The following CCDC81 variants were observed in gnomAD, a reference collection of about 807,000 sequenced individuals.
The protein encoded by CCDC81 is coiled-coil domain containing 81.
A neutral mutation model predicts 83.7 loss-of-function variants in CCDC81; 79 were observed. The observed-to-expected ratio is 0.94, with a 90% CI of 0.79 to 1.14. CCDC81 has a LOEUF of 1.14. Among genes scored for constraint, CCDC81 ranks in the 50% most tolerant of loss-of-function variants. The probability of loss-of-function intolerance (pLI) is 0.00; values close to 1 mark genes in which losing one functional copy is unlikely to be tolerated. For synonymous variants in CCDC81, 252 were observed against 278.1 expected, an observed-to-expected ratio of 0.91 and a Z score of 0.93; for missense variants, 791 against 778.1, an observed-to-expected ratio of 1.02 and a Z score of -0.20.
chr11:86,415,601 T>C (rs1948708541), intron 13 of CCDC81, among the ~76,000 whole-genome samples: 1 of 152,232 alleles, frequency 6.6e-6, no homozygotes, highest in African/African-American at 2.4e-5. Context: ...TGTACTACTT[T>C]ACATTCCCAA....
At chr11:86,375,438 C>G (rs78400532) in intron 1 of CCDC81, among the ~76,000 whole-genome samples, 196 bp downstream of exon 1, 457 of 152,206 alleles carry the variant, frequency 3.0e-3, no homozygotes, top group African/African-American at 0.01. Context: ...TTGATTAAAC[C>G]AGGGGATGCG....
At position 86,392,647 on chromosome 11, in the gene CCDC81, G is replaced by A. The variant is rs761458527; in HGVS notation, c.405G>A (p.Ser135=). ...GCVKETLLFL[S]RSISMKQNVE... Reference sequence around the variant, plus strand: ...TGAAGGAGACGTTGCTTTTTTTATCGCGTTCCATTTCCATGAAACAAAATG... The same window carrying A: ...TGAAGGAGACGTTGCTTTTTTTATCACGTTCCATTTCCATGAAACAAAATG... The change falls in exon 4 of 15, where the codon TCG becomes TCA. Residue 135 remains serine, a synonymous_variant. Transcript: ENST00000445632. The A allele has an allele frequency of 1.2e-5, 19 of 1,551,464 alleles. No individual in the cohort carries two copies. In the East Asian group the frequency reaches 1.7e-4, roughly 14 times the overall value.
intron 10 of CCDC81, among the ~76,000 whole-genome samples, chr11:86,410,197 C>G (rs1341270380): frequency 6.6e-6 from 1 of 152,154 alleles, no homozygotes; most frequent in Non-Finnish European, 1.5e-5. Flanking sequence ...TTTATTTCTG[C>G]CTGAATCTTC....
chr11:86,392,498 C>G lies in CCDC81; in HGVS notation c.299-43C>G, dbSNP rs1354560175. ...GTGTATGATATGTCCTTATGGTAAT[C>G]ACCACTTTCTTTCTCCCACCCCAAC... On this transcript the variant is annotated intron_variant, in intron 3 of 14. Coordinates refer to ENST00000445632, the MANE Select transcript of CCDC81 (RefSeq NM_001156474.2). 3.9e-6 allele frequency: 6 copies of G among 1,539,874 alleles called. No individual in the cohort carries two copies. The South Asian group carries it at 7.3e-5, about 19-fold the overall frequency.
At chr11:86,388,054 A>G (rs993998602) in intron 3 of CCDC81, among the ~76,000 whole-genome samples, 1 of 152,226 alleles carries the variant, frequency 6.6e-6, no homozygotes, top group Non-Finnish European at 1.5e-5. Context: ...TGTCAAAAAG[A>G]TAACTGTCTT....
intron 7 of CCDC81, among the ~76,000 whole-genome samples, chr11:86,405,446 T>C (rs1282756840): frequency 6.6e-6 from 1 of 152,218 alleles, no homozygotes; most frequent in Admixed American, 6.5e-5. Flanking sequence ...TAGACTTTAA[T>C]TTCAGTTGTA....
Position 86,409,442 on chromosome 11 carries a change from T to C in CCDC81, c.1218+77T>C, listed in dbSNP as rs377501425. 10 of 630,744 alleles carry C rather than the reference T, an allele frequency of 1.6e-5. No homozygotes were observed. The East Asian group carries it at 2.8e-4, about 17-fold the overall frequency. The allele number at this position is 630,744 out of a possible 1,614,324, so 39.1% of individuals were successfully genotyped here. A position where few individuals can be genotyped will look rare whatever the true frequency, so the allele number is the denominator to read the frequency against. On this transcript the variant is annotated intron_variant, in intron 10 of 14. Coordinates refer to ENST00000445632, the MANE Select transcript of CCDC81 (RefSeq NM_001156474.2). ...TTGGATCCACTCCCTGTGTTGCAGGTTGTGCCTTATTTTTTATTTTTATTT... is the reference window on the plus strand; with the variant it reads ...TTGGATCCACTCCCTGTGTTGCAGGCTGTGCCTTATTTTTTATTTTTATTT...
chr11:86,422,203 T>G (rs1948800934), intron 14 of CCDC81, among the ~76,000 whole-genome samples: 1 of 152,176 alleles, frequency 6.6e-6, no homozygotes, highest in African/African-American at 2.4e-5. Context: ...TCTCAAATAC[T>G]GTCTCCCAGG....
rs189193934 is a variant in CCDC81, at chr11:86,409,577, G to A, written c.1218+212G>A. ...AGTCATTCTCCTGCCTCAGCCTCCC[G>A]AGTAGCTGGGATTACAGGCACCCGC... On this transcript the variant is annotated intron_variant, in intron 10 of 14. Transcript: ENST00000445632. 6.6e-5 allele frequency among the ~76,000 whole-genome samples: 10 copies of A among 152,170 alleles called. No homozygotes were observed. The East Asian group carries it at 1.9e-3, about 29-fold the overall frequency.
chr11:86,386,215 G>T, intron 2 of CCDC81, 103 bp downstream of exon 2: 1 of 337,110 alleles, frequency 3.0e-6, no homozygotes, highest in South Asian at 1.1e-4. Flanking sequence ...ATGTTGCTGG[G>T]AGCAGGGCAG....
At chr11:86,388,212 C>A (rs1948274170) in intron 3 of CCDC81, among the ~76,000 whole-genome samples, 1 of 146,116 alleles carries the variant, frequency 6.8e-6, no homozygotes, top group Non-Finnish European at 1.5e-5. Context: ...CTCCTTCCCT[C>A]CTTCCTTCCT....
At chr11:86,397,484 C>T in intron 5 of CCDC81, 137 bp from the exon 6 acceptor site, 1 of 992,388 alleles carries the variant, frequency 1.0e-6, no homozygotes, top group Non-Finnish European at 1.5e-6. Context: ...CTTAGCACAT[C>T]AGAGCACTCA....
chr11:86,399,655 C>T (rs1376448731), intron 6 of CCDC81, among the ~76,000 whole-genome samples: 2 of 152,000 alleles, frequency 1.3e-5, no homozygotes, highest in African/African-American at 4.8e-5. Context: ...TCCCCAACTT[C>T]ATCCTTTTGT....
chr11:86,413,866 A>G (rs1948679480), intron 11 of CCDC81, among the ~76,000 whole-genome samples: 1 of 152,202 alleles, frequency 6.6e-6, no homozygotes, highest in South Asian at 2.1e-4. Flanking sequence ...CTCTGCTTAC[A>G]TACATATGCC....
rs778735615 is a variant in CCDC81 at position 86,412,438 on chromosome 11, A to G, written c.1270A>G (p.Lys424Glu). The G allele has an allele frequency of 2.7e-5, 43 of 1,613,504 alleles. No homozygotes were observed. The highest frequency in any genetic ancestry group is 3.6e-5 in the Non-Finnish European group (42 of 1,179,748). The change falls in exon 11 of 15, where the codon AAG (lysine) becomes GAG (glutamate). Residue 424 changes from lysine to glutamate, a missense_variant. Physicochemically the swap from Lys to Glu is moderately conservative, Grantham distance 56. Transcript: ENST00000445632. The stretch of plus-strand genomic sequence containing the variant: ...ACTCAGTCCTGCGCTTAATGCTCTT[A>G]AGCAAGAGGAATATTCCCGGAGTCT... ...RPLSPALNAL[K>E]QEEYSRSLLK...
chr11:86,387,649 A>G lies in CCDC81; in HGVS notation c.275A>G (p.Lys92Arg). 1.2e-6 allele frequency: 2 copies of G among 1,605,634 alleles called. No homozygotes were observed. Among genetic ancestry groups the G allele is most frequent in the Non-Finnish European group, 1.7e-6 (2 of 1,173,212 alleles). The change falls in exon 3 of 15, where the codon AAA (lysine) becomes AGA (arginine). Residue 92 changes from lysine (K) to arginine (R), a missense_variant. Coordinates refer to ENST00000445632, the MANE Select transcript of CCDC81 (RefSeq NM_001156474.2). ...VEKLVQIHGL[K>R]QNKVYTPGEI... ...AAGCTAGTGCAGATTCATGGACTCA[A>G]ACAAAACAAAGTATATACTCCTGGT...
intron 1 of CCDC81, among the ~76,000 whole-genome samples, chr11:86,376,181 A>G (rs1948096006): frequency 6.6e-6 from 1 of 152,246 alleles, no homozygotes; most frequent in African/African-American, 2.4e-5. Flanking sequence ...TTAATCAAAT[A>G]ATCACACAAA....
intron 3 of CCDC81, among the ~76,000 whole-genome samples, chr11:86,388,072 T>C (rs1490783874): frequency 6.6e-6 from 1 of 152,226 alleles, no homozygotes; most frequent in Non-Finnish European, 1.5e-5. Flanking sequence ...CTTTCTATCA[T>C]ATGTATAATC....
chr11:86,387,393 G>A (rs1248880423), intron 2 of CCDC81, 123 bp from the exon 3 acceptor site: 7 of 804,708 alleles, frequency 8.7e-6, no homozygotes, highest in Admixed American at 2.5e-5. Context: ...AAGAGTCCTA[G>A]AGATCACTGA....
Sources: allele counts gnomAD v4.1 joint callset (sites outside exome capture counted in the v4.1 genomes callset), GRCh38; gene constraint gnomAD v4.1.1; transcripts MANE v1.5; gene names NCBI Gene and HGNC (gene_info 2026-07-23, HGNC 2026-07-21).